SHC3: variants seen among roughly 807,000 people sequenced by gnomAD.
SHC3 encodes the protein SHC adaptor protein 3.
SHC3 carries 15 observed loss-of-function variants against 60.4 expected under a neutral mutation model. The observed-to-expected ratio is 0.25, with a 90% CI of 0.17 to 0.38. The LOEUF (loss-of-function observed/expected upper bound fraction) is 0.38, where lower values mean the gene tolerates loss of function less well. SHC3 is among the 10% of genes least tolerant of loss of function. SHC3 has a pLI of 1.00. For missense variants in SHC3, 677 were observed against 786.1 expected (o/e 0.86, Z 1.66); for synonymous variants, 294 against 325.9 (o/e 0.90, Z 1.05).
intron 2 of SHC3, chr9:89,110,464 G>A (rs1197927503): frequency 1.0e-6 from 1 of 984,682 alleles, no homozygotes; most frequent in African/African-American, 1.7e-5. Flanking sequence ...TTTAATCACA[G>A]GTATGTTGAA....
intron 1 of SHC3, among the ~76,000 whole-genome samples, chr9:89,155,361 C>A (rs772907371): frequency 7.9e-5 from 12 of 152,000 alleles, no homozygotes; most frequent in Non-Finnish European, 1.8e-4. Flanking sequence ...ACTCAGCCAT[C>A]TCCAGTCTGG....
intron 2 of SHC3, among the ~76,000 whole-genome samples, chr9:89,098,831 G>C (rs1437207896): frequency 6.6e-6 from 1 of 151,856 alleles, no homozygotes; most frequent in African/African-American, 2.4e-5. Context: ...AATTAACCAG[G>C]CATGGTGGTG....
chr9:89,101,158 TTA>T (rs1022644875), intron 2 of SHC3, among the ~76,000 whole-genome samples: 1 of 152,190 alleles, frequency 6.6e-6, no homozygotes, highest in African/African-American at 2.4e-5. Context: ...CTAAAATATT[TTA>T]TGTTTTTATG....
chr9:89,155,448 A>G (rs1409436010), intron 1 of SHC3, among the ~76,000 whole-genome samples: 1 of 152,122 alleles, frequency 6.6e-6, no homozygotes, highest in Non-Finnish European at 1.5e-5. Flanking sequence ...TCAGCTCCCT[A>G]GTCCATTGCT....
At chr9:89,037,401 G>T in intron 11 of SHC3, 1 of 648,446 alleles carries the variant, frequency 1.5e-6, no homozygotes, top group South Asian at 1.8e-5. Flanking sequence ...GCAATTCTTG[G>T]ACTATGCCCC....
rs1237503132 is a variant in SHC3 at position 89,156,299 on chromosome 9, T to C, written c.474+21688A>G. Among the ~76,000 whole-genome samples, 3 of 152,306 alleles carry C rather than the reference T, an allele frequency of 2.0e-5. No individual in the cohort carries two copies. The East Asian group carries it at 5.8e-4, about 29-fold the overall frequency. On this transcript the variant is annotated intron_variant, in intron 1 of 11. Transcript: ENST00000375835. The stretch of plus-strand genomic sequence containing the variant: ...TGCCAGTCATAGGAGTTCACCATCC[T>C]GAAGTGGACCCTCCAGCCCCAGTCA...
chr9:89,044,328 C>G (rs1824738041), intron 9 of SHC3, among the ~76,000 whole-genome samples: 1 of 152,198 alleles, frequency 6.6e-6, no homozygotes, highest in Non-Finnish European at 1.5e-5. Context: ...TGGCTTCTGC[C>G]AGGCCTTATG....
chr9:89,165,651 A>G (rs1379336943), intron 1 of SHC3, among the ~76,000 whole-genome samples: 7 of 152,188 alleles, frequency 4.6e-5, no homozygotes, highest in African/African-American at 1.2e-4. Context: ...AGGCTTAGAA[A>G]AAGGAAGTGT....
intron 1 of SHC3, among the ~76,000 whole-genome samples, chr9:89,113,035 A>G (rs546224062): frequency 6.6e-6 from 1 of 152,296 alleles, no homozygotes; most frequent in South Asian, 2.1e-4. Flanking sequence ...AGGCTTCTAC[A>G]GGTTTACAAT....
At chr9:89,095,332 C>A (rs1249612182) in intron 2 of SHC3, among the ~76,000 whole-genome samples, 1 of 152,084 alleles carries the variant, frequency 6.6e-6, no homozygotes, top group African/African-American at 2.4e-5. Context: ...GGATATTATG[C>A]GAACAGAAAT....
At chr9:89,075,281 G>T in intron 3 of SHC3, 53 bp from the exon 4 acceptor site, 2 of 1,598,516 alleles carry the variant, frequency 1.3e-6, no homozygotes, top group Non-Finnish European at 1.7e-6. Context: ...CTCAAAGGGT[G>T]GGGATGTGGA....
intron 2 of SHC3, among the ~76,000 whole-genome samples, chr9:89,086,471 G>A (rs1260812677): frequency 1.3e-5 from 2 of 152,200 alleles, no homozygotes; most frequent in East Asian, 3.8e-4. Context: ...GATGAAGTAT[G>A]GGGGAAGGAG....
At chr9:89,159,884 T>A (rs1826679109) in intron 1 of SHC3, among the ~76,000 whole-genome samples, 1 of 152,172 alleles carries the variant, frequency 6.6e-6, no homozygotes, top group Non-Finnish European at 1.5e-5. Context: ...CAAATGTTCA[T>A]CTCCTTGGGC....
In SHC3 at chr9:89,006,023, T is replaced by C. The variant is rs1327092528; in HGVS notation, c.*7424A>G. 4 of 152,242 alleles carry C rather than the reference T, an allele frequency of 2.6e-5. No homozygotes were observed. The highest frequency in any genetic ancestry group is 4.8e-5 in the African/African-American group (2 of 41,466). 9.4% of individuals were successfully genotyped at this position (152,242 alleles called of 1,614,324 possible). A position where few individuals can be genotyped will look rare whatever the true frequency, so the allele number is the denominator to read the frequency against. On this transcript the variant is annotated 3_prime_UTR_variant, in exon 12 of 12. Transcript: ENST00000375835. The stretch of plus-strand genomic sequence containing the variant: ...ATGTTTTTAGTATCTAAGTCAGATA[T>C]CCAAAAGTTAGCTCCATAATCAGAA...
chr9:89,119,752 T>C (rs1190129665), intron 1 of SHC3, among the ~76,000 whole-genome samples: 1 of 152,204 alleles, frequency 6.6e-6, no homozygotes, highest in Non-Finnish European at 1.5e-5. Flanking sequence ...CAACAGCACT[T>C]TTCCCCCAGA....
Position 89,010,621 on chromosome 9 carries a change from C to T in SHC3, c.*2826G>A, listed in dbSNP as rs1272002447. The stretch of plus-strand genomic sequence containing the variant: ...CAGGGCCCAGGTGCACTCTGCAGGA[C>T]CAGGGTGGCCCAGCACAGCAGCAGC... On this transcript the variant is annotated 3_prime_UTR_variant, in exon 12 of 12. Transcript: ENST00000375835. The T allele has an allele frequency of 1.3e-5, 2 of 152,476 alleles. No homozygotes were observed. Among genetic ancestry groups the T allele is most frequent in the African/African-American group, 4.8e-5 (2 of 41,482 alleles). The allele number at this position is 152,476 out of a possible 1,614,324, so 9.4% of individuals were successfully genotyped here.
chr9:89,139,732 C>A (rs1040992142), intron 1 of SHC3, among the ~76,000 whole-genome samples: 3 of 152,114 alleles, frequency 2.0e-5, no homozygotes, highest in Admixed American at 1.3e-4. Flanking sequence ...AAGTTTGATT[C>A]CTTAAAGGAA....
At chr9:89,075,574 T>G (rs151160656) in intron 3 of SHC3, among the ~76,000 whole-genome samples, 1 of 152,290 alleles carries the variant, frequency 6.6e-6, no homozygotes, top group African/African-American at 2.4e-5. Flanking sequence ...CCCATCACAT[T>G]TTGTACGCTC....
At chr9:89,064,838 A>T (rs1413316647) in intron 6 of SHC3, among the ~76,000 whole-genome samples, 1 of 151,978 alleles carries the variant, frequency 6.6e-6, no homozygotes, top group Non-Finnish European at 1.5e-5. Context: ...CAAACTAGAA[A>T]ATCTTAGTTG....
Sources: gnomAD v4.1 joint callset for allele counts (sites outside exome capture counted in the v4.1 genomes callset) on GRCh38, gnomAD v4.1.1 for gene constraint, MANE v1.5 for transcripts, NCBI Gene and HGNC (gene_info 2026-07-23, HGNC 2026-07-21) for gene names.